The following SPAG9 variants were observed in gnomAD, a reference collection of about 807,000 sequenced individuals.
SPAG9 encodes the protein C-Jun-amino-terminal kinase-interacting protein 4.
A neutral mutation model predicts 166.5 loss-of-function variants in SPAG9; 35 were observed. That is an observed-to-expected ratio of 0.21 (90% CI 0.16 to 0.28). The LOEUF is 0.28. Among genes scored for constraint, SPAG9 ranks in the 10% least tolerant of loss-of-function variants. SPAG9 has a pLI of 1.00. For missense variants in SPAG9, 1,235 were observed against 1,603.3 expected, an observed-to-expected ratio of 0.77 and a Z score of 3.92; for synonymous variants, 534 against 565.5, an observed-to-expected ratio of 0.94 and a Z score of 0.79.
At chr17:51,068,546 G>A (rs2047736034) in intron 2 of SPAG9, among the ~76,000 whole-genome samples, 1 of 152,136 alleles carries the variant, frequency 6.6e-6, no homozygotes, top group African/African-American at 2.4e-5. Context: ...CGTAGGGACA[G>A]TCCACGCTTA....
chr17:51,053,854 AGTATAT>A lies in SPAG9; in HGVS notation c.495+2552_495+2557del, dbSNP rs1294865500. 7.9e-3 allele frequency among the ~76,000 whole-genome samples: 273 copies of A among 34,424 alleles called. 4 individuals carry two copies. The highest frequency in any genetic ancestry group is 0.035 in the African/African-American group (218 of 6,220). The allele number at this position is 34,424 out of a possible 152,430, so 22.6% of individuals were successfully genotyped here. A position where few individuals can be genotyped will look rare whatever the true frequency, so the allele number is the denominator to read the frequency against. On this transcript the variant is annotated intron_variant, in intron 3 of 29. Coordinates refer to ENST00000262013, the MANE Select transcript of SPAG9 (RefSeq NM_001130528.3). ...CCCTAATTAAAAAAAAAAAAAAAAAAGTATATATATATATATATATATATATATATA... is the reference window on the plus strand; with the variant it reads ...CCCTAATTAAAAAAAAAAAAAAAAAAATATATATATATATATATATATATA...
rs2302285 is a variant in SPAG9, at chr17:50,999,678, C to A, written c.1647G>T (p.Arg549Ser). The A allele has an allele frequency of 1.9e-6, 3 of 1,613,088 alleles. No homozygotes were observed. Among genetic ancestry groups the A allele is most frequent in the Admixed American group, 1.7e-5 (1 of 59,904 alleles). ...ATACTTACAACTGCCAAATGCTTGA[C>A]CTTTTTTTTTCCTGCATGGCTGGAT... Reference protein sequence around the residue: ...RENPAMQEKKRSSIWQFFSRL... With the variant: ...RENPAMQEKKSSSIWQFFSRL... Residue 549 changes from arginine to serine, a missense_variant, in exon 14 of 30, where the codon AGG (arginine) becomes AGT (serine). Transcript: ENST00000262013.
chr17:51,051,478 G>A (rs896705841), intron 3 of SPAG9, among the ~76,000 whole-genome samples: 1 of 152,168 alleles, frequency 6.6e-6, no homozygotes, highest in Non-Finnish European at 1.5e-5. Context: ...CCAGCACTTC[G>A]GAAGGCCGGG....
intron 11 of SPAG9, 141 bp downstream of exon 11, chr17:51,005,944 G>A: frequency 1.3e-6 from 1 of 774,606 alleles, no homozygotes; most frequent in Non-Finnish European, 2.2e-6. Flanking sequence ...CAATGGGCTG[G>A]GGCACTTTGC....
At chr17:51,074,093 G>A (rs532658377) in intron 2 of SPAG9, among the ~76,000 whole-genome samples, 45 of 152,206 alleles carry the variant, frequency 3.0e-4, no homozygotes, top group African/African-American at 7.0e-4. Flanking sequence ...AAAATAAGCC[G>A]GGCGTGGTGG....
At chr17:51,040,201 C>G in intron 5 of SPAG9, among the ~76,000 whole-genome samples, 1 of 149,466 alleles carries the variant, frequency 6.7e-6, no homozygotes, top group Non-Finnish European at 1.5e-5. Context: ...GAGCTGAGAT[C>G]TCACCACTGC....
At chr17:51,016,988 T>C (rs2045725307) in intron 8 of SPAG9, among the ~76,000 whole-genome samples, 1 of 152,228 alleles carries the variant, frequency 6.6e-6, no homozygotes, top group African/African-American at 2.4e-5. Flanking sequence ...TTTTATATAG[T>C]CATACTGATA....
At chr17:51,074,508 T>G (rs1487302651) in intron 2 of SPAG9, among the ~76,000 whole-genome samples, 1 of 152,218 alleles carries the variant, frequency 6.6e-6, no homozygotes, top group Non-Finnish European at 1.5e-5. Flanking sequence ...GTTTGTAAGT[T>G]CCTTAATTGT....
chr17:51,076,684 C>T (rs73346169), intron 2 of SPAG9, among the ~76,000 whole-genome samples: 8,219 of 151,460 alleles, frequency 0.054, 521 homozygotes, highest in East Asian at 0.19. Flanking sequence ...TGCAGTGAGC[C>T]GAGCTCACAC....
intron 3 of SPAG9, among the ~76,000 whole-genome samples, chr17:51,052,579 T>C (rs1179283404): frequency 6.6e-6 from 1 of 152,080 alleles, no homozygotes; most frequent in African/African-American, 2.4e-5. Flanking sequence ...AATTAAAATT[T>C]TTCCTGAGAT....
chr17:51,062,882 ACACAACCTACTC>A (rs1200036267), intron 2 of SPAG9, among the ~76,000 whole-genome samples: 1 of 151,982 alleles, frequency 6.6e-6, no homozygotes, highest in East Asian at 1.9e-4. Context: ...GAGCCACCAC[ACACAACCTACTC>A]CACGTCTTTT....
chr17:51,041,721 A>G (rs1425844030), intron 4 of SPAG9, 70 bp from the exon 5 acceptor site: 3 of 1,454,288 alleles, frequency 2.1e-6, no homozygotes, highest in East Asian at 4.6e-5. Flanking sequence ...GACTATAAGT[A>G]ATAAGCCTGG....
intron 3 of SPAG9, 112 bp from the exon 4 acceptor site, chr17:51,047,581 C>G (rs1406548065): frequency 2.1e-6 from 1 of 482,310 alleles, no homozygotes; most frequent in African/African-American, 2.0e-5. Context: ...TATCAGACTA[C>G]TCGATTCCAA....
intron 1 of SPAG9, among the ~76,000 whole-genome samples, chr17:51,118,608 G>A (rs1398538634): frequency 6.6e-6 from 1 of 152,192 alleles, no homozygotes. Flanking sequence ...CTGGCAAGGG[G>A]CTATATGAGC....
rs2143924067 is a variant in SPAG9, at chr17:50,998,569, T to C, written c.1713A>G (p.Glu571=). Residue 571 remains glutamate, a synonymous_variant, in exon 15 of 30, where the codon GAA becomes GAG. Coordinates refer to ENST00000262013, the MANE Select transcript of SPAG9 (RefSeq NM_001130528.3). ...SSSSNTTKKP[E]PPVNLKYNAP... ...CATTGTACTTCAGATTAACAGGTGG[T>C]TCAGGCTTCTTAGTCGTGTTACTTG... 6.2e-7 allele frequency: 1 copy of C among 1,614,140 alleles called. No individual in the cohort carries two copies. The highest frequency in any genetic ancestry group is 2.2e-5 in the East Asian group (1 of 44,878).
rs1216884218 is a variant in SPAG9 at position 51,037,683 on chromosome 17, ATAGTGTGTGT to A, written c.741+3808_741+3817del. Among the ~76,000 whole-genome samples, 6 of 101,886 alleles carry A rather than the reference ATAGTGTGTGT, an allele frequency of 5.9e-5. 1 individual carries two copies. The highest frequency in any genetic ancestry group is 8.9e-5 in the Non-Finnish European group (4 of 44,864). The allele number at this position is 101,886 out of a possible 152,430, so 66.8% of individuals were successfully genotyped here. ...ATGTGTTTTATATATATATATATAT[ATAGTGTGTGT>A]GTGTGTGTGTGTGTGTGTGTGTGTG... On this transcript the variant is annotated intron_variant, in intron 5 of 29. Coordinates refer to ENST00000262013, the MANE Select transcript of SPAG9 (RefSeq NM_001130528.3).
Position 50,995,523 on chromosome 17 carries a change from C to G in SPAG9, c.1979G>C (p.Gly660Ala). 1 of 1,602,596 alleles carries G rather than the reference C, an allele frequency of 6.2e-7. No homozygotes were observed. The highest frequency in any genetic ancestry group is 8.5e-7 in the Non-Finnish European group (1 of 1,169,674). ...ATTTTTCATCTTATTTTCACCTTGA[C>G]CATTGGTTACCTAATAATGGTGGAA... ...LPQKYKQVTN[G>A]QGENKMKNLP... The change falls in exon 17 of 30, where the codon GGT becomes GCT. Residue 660 changes from glycine to alanine, a missense_variant. Physicochemically the swap from Gly to Ala is moderately conservative, Grantham distance 60. Coordinates refer to ENST00000262013, the MANE Select transcript of SPAG9 (RefSeq NM_001130528.3).
At chr17:51,112,112 T>C (rs2049129650) in intron 1 of SPAG9, among the ~76,000 whole-genome samples, 1 of 152,090 alleles carries the variant, frequency 6.6e-6, no homozygotes, top group Non-Finnish European at 1.5e-5. Context: ...GCAACAACCA[T>C]ACCCCTTCCC....
chr17:51,055,069 C>T (rs1043370718), intron 3 of SPAG9, among the ~76,000 whole-genome samples: 11 of 152,100 alleles, frequency 7.2e-5, no homozygotes, highest in Admixed American at 6.6e-4. Flanking sequence ...CAGCAACGTC[C>T]AGGCACACTG....
Sources: allele counts gnomAD v4.1 joint callset (sites outside exome capture counted in the v4.1 genomes callset), GRCh38; gene constraint gnomAD v4.1.1; transcripts MANE v1.5; gene names NCBI Gene and HGNC (gene_info 2026-07-23, HGNC 2026-07-21).